TOMM20: variants seen among roughly 807,000 people sequenced by gnomAD.
The protein encoded by TOMM20 is mitochondrial import receptor subunit TOM20 homolog.
Under a neutral mutation model 22.1 loss-of-function variants are expected in TOMM20, and 10 were observed. The observed-to-expected ratio is 0.45, with a 90% CI of 0.28 to 0.77. TOMM20 has a LOEUF of 0.77. Ranked by LOEUF, TOMM20 falls within the 30% of genes least tolerant of loss-of-function variation. The probability of loss-of-function intolerance (pLI) is 0.13; values close to 1 mark genes in which losing one functional copy is unlikely to be tolerated. For missense variants in TOMM20, 121 were observed against 172.2 expected, an observed-to-expected ratio of 0.70 and a Z score of 1.66; for synonymous variants, 55 against 61.4, an observed-to-expected ratio of 0.90 and a Z score of 0.49.
At chr1:235,118,237 G>T (rs1387425134) in intron 3 of TOMM20, among the ~76,000 whole-genome samples, 1 of 152,190 alleles carries the variant, frequency 6.6e-6, no homozygotes, top group Non-Finnish European at 1.5e-5. Context: ...TTGCTGACTG[G>T]ATAGCCAGAT....
chr1:235,122,232 T>G, intron 2 of TOMM20, 94 bp downstream of exon 2: 1 of 1,188,202 alleles, frequency 8.4e-7, no homozygotes, highest in Non-Finnish European at 1.1e-6. Flanking sequence ...ATCAACTAGC[T>G]TTTTCCAATT....
chr1:235,116,367 G>A lies in TOMM20; in HGVS notation c.251-2457C>T, dbSNP rs190318596. On this transcript the variant is annotated intron_variant, in intron 3 of 4. Transcript: ENST00000366607. ...CATCCTGGCCAACATGGTGAAACCC[G>A]GTCTCTACTAAAAATACAAAAATTA... Among the ~76,000 whole-genome samples the A allele has an allele frequency of 2.8e-4, 42 of 151,624 alleles. No individual in the cohort carries two copies. The East Asian group carries it at 7.2e-3, about 26-fold the overall frequency.
At chr1:235,120,602 CAG>C (rs1660915268) in intron 2 of TOMM20, among the ~76,000 whole-genome samples, 1 of 151,710 alleles carries the variant, frequency 6.6e-6, no homozygotes, top group African/African-American at 2.4e-5. Context: ...TTTTTTGAGA[CAG>C]GGTCTCACTC....
chr1:235,114,417 T>C (rs933823894), intron 3 of TOMM20, among the ~76,000 whole-genome samples: 6 of 150,734 alleles, frequency 4.0e-5, no homozygotes, highest in Non-Finnish European at 8.8e-5. Flanking sequence ...TGATTAACTC[T>C]GAGTGGGAGG....
intron 2 of TOMM20, among the ~76,000 whole-genome samples, chr1:235,121,356 ATAATT>A (rs932369288): frequency 1.2e-4 from 18 of 152,370 alleles, no homozygotes; most frequent in East Asian, 3.9e-4. Flanking sequence ...GCATGTAGCA[ATAATT>A]TAATTCTATT....
chr1:235,125,507 G>A (rs761766309), intron 1 of TOMM20, among the ~76,000 whole-genome samples: 3 of 152,078 alleles, frequency 2.0e-5, no homozygotes, highest in East Asian at 1.9e-4. Context: ...GAGCCACCAC[G>A]CCCGGCCGCC....
At chr1:235,125,415 C>T (rs538814315) in intron 1 of TOMM20, among the ~76,000 whole-genome samples, 82 of 152,034 alleles carry the variant, frequency 5.4e-4, no homozygotes, top group Non-Finnish European at 1.0e-3. Context: ...CGGGGTTTCA[C>T]CATGTTAGCC....
At chr1:235,128,026 T>C in intron 1 of TOMM20, 1 of 356,910 alleles carries the variant, frequency 2.8e-6, no homozygotes, top group Non-Finnish European at 5.6e-6. Context: ...ACACAAAAAA[T>C]CACCGGGCGT....
chr1:235,128,486 A>C, intron 1 of TOMM20, 109 bp downstream of exon 1: 2 of 1,547,542 alleles, frequency 1.3e-6, no homozygotes, highest in Admixed American at 3.7e-5. Context: ...GGGCCGCACC[A>C]CGCGGTCGCC....
At chr1:235,122,669 T>TC (rs1441379748) in intron 1 of TOMM20, among the ~76,000 whole-genome samples, 1 of 151,914 alleles carries the variant, frequency 6.6e-6, no homozygotes, top group African/African-American at 2.4e-5. Flanking sequence ...GCAGATCAAG[T>TC]CCCCCCTTCC....
intron 1 of TOMM20, among the ~76,000 whole-genome samples, chr1:235,127,612 G>C (rs1181527149): frequency 2.0e-5 from 3 of 152,254 alleles, no homozygotes; most frequent in Admixed American, 1.3e-4. Flanking sequence ...TGTACCCCTT[G>C]GGCTTTAGTA....
intron 1 of TOMM20, among the ~76,000 whole-genome samples, chr1:235,123,434 G>C (rs1000618978): frequency 1.3e-5 from 2 of 152,204 alleles, no homozygotes; most frequent in Non-Finnish European, 2.9e-5. Flanking sequence ...GCAGTGAGCA[G>C]AGACTGTGCC....
At chr1:235,114,687 T>A (rs1660802900) in intron 3 of TOMM20, among the ~76,000 whole-genome samples, 2 of 152,128 alleles carry the variant, frequency 1.3e-5, no homozygotes, top group Non-Finnish European at 2.9e-5. Flanking sequence ...TCCGCCCACC[T>A]CGGCCTCCCA....
In TOMM20 at chr1:235,109,834, A is replaced by C. The variant is rs1660706014; in HGVS notation, c.*2230T>G. 6.6e-6 allele frequency: 1 copy of C among 152,360 alleles called. No homozygotes were observed. Among genetic ancestry groups the C allele is most frequent in the African/African-American group, 2.4e-5 (1 of 41,588 alleles). 9.4% of individuals were successfully genotyped at this position (152,360 alleles called of 1,614,324 possible). A position where few individuals can be genotyped will look rare whatever the true frequency, so the allele number is the denominator to read the frequency against. On this transcript the variant is annotated 3_prime_UTR_variant, in exon 5 of 5. Transcript: ENST00000366607. ...GTAAGTGTGCAACATTAGCACATGG[A>C]AACGCTCAAGCTGTGTATTAGTTCA...
At chr1:235,120,926 G>T (rs183054400) in intron 2 of TOMM20, among the ~76,000 whole-genome samples, 367 of 151,476 alleles carry the variant, frequency 2.4e-3, no homozygotes, top group Non-Finnish European at 3.8e-3. Flanking sequence ...CAGTAGCTGG[G>T]TGCGGTGGCT....
intron 1 of TOMM20, 196 bp from the exon 2 acceptor site, chr1:235,122,568 G>A: frequency 2.3e-6 from 1 of 431,130 alleles, no homozygotes; most frequent in South Asian, 7.5e-5. Flanking sequence ...CACTGCACTG[G>A]AGCGTTCTCC....
rs376205922 is a variant in TOMM20, at chr1:235,125,083, GATAAAAACTAC to G, written c.122-2722_122-2712del. Among the ~76,000 whole-genome samples, 312 of 152,318 alleles carry G rather than the reference GATAAAAACTAC, an allele frequency of 2.0e-3. 2 individuals carry two copies. Among genetic ancestry groups the G allele is most frequent in the African/African-American group, 7.2e-3 (300 of 41,562 alleles). ...ATTTCATTTACTCATAATTTAGAAT[GATAAAAACTAC>G]ACCTCAAGGATCCTGATACTCTGCT... is the stretch of plus-strand genomic sequence containing the variant. On this transcript the variant is annotated intron_variant, in intron 1 of 4. Transcript: ENST00000366607.
chr1:235,124,671 A>C (rs1489077014), intron 1 of TOMM20, among the ~76,000 whole-genome samples: 1 of 152,246 alleles, frequency 6.6e-6, no homozygotes, highest in East Asian at 1.9e-4. Flanking sequence ...CTGAGTCATA[A>C]GTTTTTTTAA....
chr1:235,128,488 G>A, intron 1 of TOMM20, 107 bp downstream of exon 1: 2 of 1,553,238 alleles, frequency 1.3e-6, no homozygotes, highest in Non-Finnish European at 8.7e-7. Flanking sequence ...GCCGCACCAC[G>A]CGGTCGCCCT....
Sources: gnomAD v4.1 joint callset for allele counts (sites outside exome capture counted in the v4.1 genomes callset) on GRCh38, gnomAD v4.1.1 for gene constraint, MANE v1.5 for transcripts, NCBI Gene and HGNC (gene_info 2026-07-23, HGNC 2026-07-21) for gene names.